The following PDE11A variants were observed in gnomAD, a reference collection of about 807,000 sequenced individuals.
The protein encoded by PDE11A is dual 3',5'-cyclic-AMP and -GMP phosphodiesterase 11A.
PDE11A carries 100 observed loss-of-function variants against 100.5 expected under a neutral mutation model. The ratio of observed to expected loss-of-function variants is 1.00; its 90% CI spans 0.85 to 1.18. The LOEUF (loss-of-function observed/expected upper bound fraction) is 1.18. Among genes scored for constraint, PDE11A ranks in the 50% most tolerant of loss-of-function variants. PDE11A has a pLI of 0.00. For synonymous variants in PDE11A, 381 were observed against 420.8 expected (o/e 0.91, Z 1.16); for missense variants, 1,141 against 1,152.6 (o/e 0.99, Z 0.15).
chr2:178,064,989 AG>A (rs2087025866), intron 1 of PDE11A, among the ~76,000 whole-genome samples: 1 of 152,166 alleles, frequency 6.6e-6, no homozygotes, highest in South Asian at 2.1e-4. Flanking sequence ...AAAAAACCTC[AG>A]GAATTATAGA....
intron 10 of PDE11A, among the ~76,000 whole-genome samples, chr2:177,766,787 G>A (rs1186476659): frequency 1.3e-5 from 2 of 152,040 alleles, no homozygotes; most frequent in Non-Finnish European, 2.9e-5. Flanking sequence ...TTTTAAAATG[G>A]TTAAAATGAT....
chr2:178,074,953 T>C (rs1346669822), upstream of PDE11A, among the ~76,000 whole-genome samples: 1 of 152,158 alleles, frequency 6.6e-6, no homozygotes, highest in African/African-American at 2.4e-5. Context: ...TGTGTGTTGG[T>C]GTGGCCACAT....
intron 12 of PDE11A, among the ~76,000 whole-genome samples, chr2:177,716,710 C>T (rs2081442574): frequency 6.6e-6 from 1 of 152,036 alleles, no homozygotes; most frequent in Non-Finnish European, 1.5e-5. Flanking sequence ...TGATATTGTG[C>T]TAAAATTTAG....
At chr2:177,999,557 T>G (rs1401051788) in intron 2 of PDE11A, among the ~76,000 whole-genome samples, 1 of 152,194 alleles carries the variant, frequency 6.6e-6, no homozygotes, top group South Asian at 2.1e-4. Flanking sequence ...AACCAAGCAC[T>G]GAGAATGGAG....
intron 2 of PDE11A, among the ~76,000 whole-genome samples, chr2:177,942,006 C>T (rs1044093158): frequency 6.6e-6 from 1 of 152,236 alleles, no homozygotes; most frequent in Admixed American, 6.5e-5. Context: ...AGCAGGACTT[C>T]ATACTCCCAT....
intron 2 of PDE11A, among the ~76,000 whole-genome samples, chr2:177,967,713 C>T (rs901526105): frequency 2.0e-5 from 3 of 151,912 alleles, no homozygotes; most frequent in East Asian, 1.9e-4. Flanking sequence ...CACACAAGCA[C>T]CTCTTCTATA....
At chr2:177,936,784 G>C (rs2085279577) in intron 2 of PDE11A, among the ~76,000 whole-genome samples, 1 of 152,004 alleles carries the variant, frequency 6.6e-6, no homozygotes, top group Non-Finnish European at 1.5e-5. Flanking sequence ...AGCTGGGTTT[G>C]GTTGCCAGCG....
At chr2:177,797,560 T>C (rs1254563527) in intron 9 of PDE11A, among the ~76,000 whole-genome samples, 1 of 152,084 alleles carries the variant, frequency 6.6e-6, no homozygotes, top group Non-Finnish European at 1.5e-5. Context: ...ATAAGAAGAA[T>C]GTAAGGTAAT....
chr2:177,669,501 T>G lies in PDE11A; in HGVS notation c.2554A>C (p.Thr852Pro). Reference protein sequence around the residue: ...GDRERLELKLTPSAIFDRNRK... With the variant: ...GDRERLELKLPPSAIFDRNRK... Reference sequence around the variant, plus strand: ...TTAAAGGATGAACTCACTGAAGGAGTGAGTTTGAGCTCTAATCTCTCCCGA... The same window carrying G: ...TTAAAGGATGAACTCACTGAAGGAGGGAGTTTGAGCTCTAATCTCTCCCGA... The change falls in exon 18 of 20, where the codon ACT (threonine) becomes CCT (proline). Residue 852 changes from threonine (T) to proline (P), a missense_variant. Physicochemically the swap from Thr to Pro is conservative, Grantham distance 38. Coordinates refer to ENST00000286063, the MANE Select transcript of PDE11A (RefSeq NM_016953.4). 7.7e-7 allele frequency: 1 copy of G among 1,300,924 alleles called. No individual in the cohort carries two copies. Among genetic ancestry groups the G allele is most frequent in the Non-Finnish European group, 1.1e-6 (1 of 894,376 alleles). The allele number at this position is 1,300,924 out of a possible 1,614,324, so 80.6% of individuals were successfully genotyped here. A position where few individuals can be genotyped will look rare whatever the true frequency, so the allele number is the denominator to read the frequency against.
chr2:178,072,661 C>T lies in PDE11A; in HGVS notation c.-224G>A, dbSNP rs1301965477. On this transcript the variant is annotated 5_prime_UTR_variant, in exon 1 of 20. Coordinates refer to ENST00000286063, the MANE Select transcript of PDE11A (RefSeq NM_016953.4). ...CCCCGTGGTCCTGCTACTCCTGCTCCGCACAGGTGCCCAGCACTGAGCTGC... is the reference window on the plus strand; with the variant it reads ...CCCCGTGGTCCTGCTACTCCTGCTCTGCACAGGTGCCCAGCACTGAGCTGC... The T allele has an allele frequency of 1.4e-6, 2 of 1,448,796 alleles. No individual in the cohort carries two copies. The highest frequency in any genetic ancestry group is 9.1e-7 in the Non-Finnish European group (1 of 1,103,962). 89.7% of individuals were successfully genotyped at this position (1,448,796 alleles called of 1,614,324 possible).
chr2:177,885,201 A>AGTGTGTGTGT (rs5836630), intron 4 of PDE11A, among the ~76,000 whole-genome samples: 1,568 of 149,400 alleles, frequency 0.01, 28 homozygotes, highest in African/African-American at 0.033. Context: ...TAATGATGTG[A>AGTGTGTGTGT]GTGTGTGTGT....
intron 12 of PDE11A, among the ~76,000 whole-genome samples, chr2:177,719,278 T>C (rs886696943): frequency 1.3e-5 from 2 of 152,174 alleles, no homozygotes; most frequent in Non-Finnish European, 2.9e-5. Flanking sequence ...TCCTGTTGAT[T>C]CTGAGATGTA....
intron 2 of PDE11A, 111 bp downstream of exon 2, chr2:178,014,191 C>T: frequency 2.5e-6 from 2 of 807,814 alleles, no homozygotes; most frequent in Admixed American, 3.9e-5. Flanking sequence ...GCTCTTTGAT[C>T]CATGAATGGG....
At chr2:178,006,179 T>C (rs2086208340) in intron 2 of PDE11A, among the ~76,000 whole-genome samples, 1 of 152,242 alleles carries the variant, frequency 6.6e-6, no homozygotes, top group Non-Finnish European at 1.5e-5. Flanking sequence ...TCTCAATAAA[T>C]GTTACTCAAA....
chr2:178,095,826 T>A (rs2087481386), intron 2 of PDE11A, among the ~76,000 whole-genome samples: 1 of 152,228 alleles, frequency 6.6e-6, no homozygotes, highest in Non-Finnish European at 1.5e-5. Context: ...TTTCCAGGCT[T>A]GGGGCTTGCA....
Position 177,769,304 on chromosome 2 carries a change from A to G in PDE11A, c.1788+19T>C. 1 of 1,511,620 alleles carries G rather than the reference A, an allele frequency of 6.6e-7. No individual in the cohort carries two copies. The highest frequency in any genetic ancestry group is 9.2e-7 in the Non-Finnish European group (1 of 1,086,492). The allele number at this position is 1,511,620 out of a possible 1,614,324, so 93.6% of individuals were successfully genotyped here. ...AGTTTAACTGTATGCACTAATAAGG[A>G]AACCATTTTCTTCCTTACCTTAAAC... On this transcript the variant is annotated intron_variant, in intron 10 of 19. Transcript: ENST00000286063.
chr2:177,739,243 G>C (rs999175730), intron 10 of PDE11A, among the ~76,000 whole-genome samples: 1 of 152,126 alleles, frequency 6.6e-6, no homozygotes, highest in African/African-American at 2.4e-5. Flanking sequence ...CAATGGTCCT[G>C]TTACAACGTG....
chr2:177,751,714 C>G (rs2082029220), intron 10 of PDE11A, among the ~76,000 whole-genome samples: 1 of 151,950 alleles, frequency 6.6e-6, no homozygotes, highest in Admixed American at 6.6e-5. Context: ...TAAGCAAGAC[C>G]AAAGAGAAAA....
chr2:177,857,655 T>A (rs1376574682), intron 5 of PDE11A, among the ~76,000 whole-genome samples: 1 of 151,714 alleles, frequency 6.6e-6, no homozygotes. Flanking sequence ...AGAAAACAAA[T>A]ACAGAAAAGG....
Sources: gnomAD v4.1 joint callset for allele counts (sites outside exome capture counted in the v4.1 genomes callset) on GRCh38, gnomAD v4.1.1 for gene constraint, MANE v1.5 for transcripts, NCBI Gene and HGNC (gene_info 2026-07-23, HGNC 2026-07-21) for gene names.